RBFOX1: variants seen among roughly 807,000 people sequenced by gnomAD.
The protein encoded by RBFOX1 is RNA binding protein fox-1 homolog 1.
Under a neutral mutation model 57.7 loss-of-function variants are expected in RBFOX1, and 8 were observed. The ratio of observed to expected loss-of-function variants is 0.14; its 90% CI spans 0.08 to 0.25. RBFOX1 has a LOEUF of 0.25. RBFOX1 is among the 10% of genes least tolerant of loss of function. RBFOX1 has a pLI of 1.00. For synonymous variants in RBFOX1, 326 were observed against 222.4 expected (o/e 1.47, Z -4.15); for missense variants, 611 against 548.5 (o/e 1.11, Z -1.14).
At position 6,863,989 on chromosome 16, in the gene RBFOX1, CTT is replaced by C. The variant is rs58541296; in HGVS notation, c.-15-188054_-15-188053del. 9.0e-4 allele frequency among the ~76,000 whole-genome samples: 113 copies of C among 125,310 alleles called. No individual in the cohort carries two copies. In the East Asian group the frequency reaches 0.017, roughly 18 times the overall value. The allele number at this position is 125,310 out of a possible 152,430, so 82.2% of individuals were successfully genotyped here. On this transcript the variant is annotated intron_variant, in intron 3 of 15. Coordinates refer to ENST00000550418, the MANE Select transcript of RBFOX1 (RefSeq NM_018723.4). ...CACAACTTCTTCTGTCTTTATGTTCCTTTTTTTTTTTTTTTGTTGAGATTATG... is the reference window on the plus strand; with the variant it reads ...CACAACTTCTTCTGTCTTTATGTTCCTTTTTTTTTTTTTGTTGAGATTATG...
intron 3 of RBFOX1, among the ~76,000 whole-genome samples, chr16:6,875,322 A>G (rs916842902): frequency 2.0e-5 from 3 of 152,142 alleles, no homozygotes; most frequent in South Asian, 2.1e-4. Context: ...TTAGAGAAAC[A>G]TTTATATTTT....
chr16:5,448,956 C>G (rs988475222), intron 1 of RBFOX1, among the ~76,000 whole-genome samples: 1 of 152,104 alleles, frequency 6.6e-6, no homozygotes, highest in Non-Finnish European at 1.5e-5. Flanking sequence ...GACCCCCTGG[C>G]TGCCATAACC....
chr16:6,595,437 C>T lies in RBFOX1; in HGVS notation c.-63-59166C>T, dbSNP rs142017847. On this transcript the variant is annotated intron_variant, in intron 2 of 15. Transcript: ENST00000550418. Reference sequence around the variant, plus strand: ...AATATTACGTTATATAAATATACGACGTTGTGTTTGTCCATTCATTGGTTG... The same window carrying T: ...AATATTACGTTATATAAATATACGATGTTGTGTTTGTCCATTCATTGGTTG... 2.2e-3 allele frequency among the ~76,000 whole-genome samples: 328 copies of T among 152,226 alleles called. 3 individuals carry two copies. Among genetic ancestry groups the T allele is most frequent in the African/African-American group, 6.6e-3 (275 of 41,530 alleles).
rs150191707 is a variant in RBFOX1, at chr16:7,097,584, C to G, written c.27+45486C>G. Among the ~76,000 whole-genome samples the G allele has an allele frequency of 2.8e-3, 434 of 152,284 alleles. 3 individuals are homozygous for G. Among genetic ancestry groups the G allele is most frequent in the Non-Finnish European group, 3.5e-3 (237 of 68,024 alleles). On this transcript the variant is annotated intron_variant, in intron 4 of 15. Transcript: ENST00000550418. ...CACCTCTCCATCTGCCTCAAATAAT[C>G]AAATTCCATCCAATTAGATGCTGTT...
At chr16:7,312,336 C>T (rs1408186489) in intron 4 of RBFOX1, among the ~76,000 whole-genome samples, 2 of 152,172 alleles carry the variant, frequency 1.3e-5, no homozygotes, top group African/African-American at 4.8e-5. Flanking sequence ...GCCGAGATCG[C>T]GGCGTTGCAC....
At chr16:6,030,024 C>A (rs1045131199) in intron 1 of RBFOX1, among the ~76,000 whole-genome samples, 1 of 152,168 alleles carries the variant, frequency 6.6e-6, no homozygotes, top group Non-Finnish European at 1.5e-5. Flanking sequence ...AGTGATCCCA[C>A]CTCAGCCTCT....
chr16:6,015,044 A>C (rs1186010661), upstream of RBFOX1, among the ~76,000 whole-genome samples: 1 of 151,932 alleles, frequency 6.6e-6, no homozygotes, highest in Non-Finnish European at 1.5e-5. Flanking sequence ...TCTTGTAGAG[A>C]TGGGGTTTCA....
chr16:5,383,338 G>A (rs2066175860), intron 1 of RBFOX1, among the ~76,000 whole-genome samples: 1 of 152,170 alleles, frequency 6.6e-6, no homozygotes. Context: ...AAAGATGAGA[G>A]CCGCTCAGAC....
chr16:6,107,970 G>C (rs2096402363), intron 1 of RBFOX1, among the ~76,000 whole-genome samples: 2 of 151,786 alleles, frequency 1.3e-5, no homozygotes, highest in East Asian at 3.9e-4. Context: ...ATTAAGATTA[G>C]TCTTGAAAAA....
chr16:7,227,198 C>T (rs2093179705), intron 4 of RBFOX1, among the ~76,000 whole-genome samples: 1 of 151,792 alleles, frequency 6.6e-6, no homozygotes, highest in Non-Finnish European at 1.5e-5. Flanking sequence ...TGTGTCATTC[C>T]ATTCTTCTTT....
chr16:6,117,187 G>C (rs2096505595), intron 1 of RBFOX1, among the ~76,000 whole-genome samples: 1 of 152,124 alleles, frequency 6.6e-6, no homozygotes. Flanking sequence ...TGTGAAAAGG[G>C]TGAGAGTTCA....
chr16:7,702,033 ACT>A, intron 14 of RBFOX1, among the ~76,000 whole-genome samples: 1 of 152,318 alleles, frequency 6.6e-6, no homozygotes, highest in Middle Eastern at 3.4e-3. Flanking sequence ...TGCATAGTGC[ACT>A]GAGATAACTT....
chr16:7,568,881 T>TAAAAAA (rs1376970317), intron 5 of RBFOX1, among the ~76,000 whole-genome samples: 1 of 30,642 alleles, frequency 3.3e-5, no homozygotes. Flanking sequence ...AGACTCTGTC[T>TAAAAAA]CAAAAAAAAA....
At chr16:6,212,013 C>A (rs185214403) in intron 1 of RBFOX1, among the ~76,000 whole-genome samples, 1 of 151,942 alleles carries the variant, frequency 6.6e-6, no homozygotes, top group African/African-American at 2.4e-5. Flanking sequence ...CCATGCCTGG[C>A]TAAGTTTTTG....
intron 7 of RBFOX1, among the ~76,000 whole-genome samples, chr16:7,589,436 G>T (rs977871553): frequency 3.3e-5 from 5 of 151,966 alleles, no homozygotes; most frequent in Non-Finnish European, 7.4e-5. Context: ...GTCTCTGGGG[G>T]CTTCAGGAAA....
chr16:5,270,460 C>T, intron 1 of RBFOX1: 7 of 768,746 alleles, frequency 9.1e-6, no homozygotes, highest in Non-Finnish European at 1.4e-5. Context: ...GCAGAAACTG[C>T]CTGACTAACT....
intron 4 of RBFOX1, among the ~76,000 whole-genome samples, chr16:7,328,339 G>A (rs981354112): frequency 1.3e-5 from 2 of 151,982 alleles, no homozygotes; most frequent in South Asian, 2.1e-4. Context: ...AATTAGGCAG[G>A]TGTGGTGGCG....
intron 2 of RBFOX1, among the ~76,000 whole-genome samples, chr16:6,410,888 C>T (rs1371264895): frequency 1.3e-5 from 2 of 152,154 alleles, no homozygotes; most frequent in Admixed American, 6.5e-5. Context: ...GGTTTCTCAG[C>T]GCACAGTTGG....
intron 3 of RBFOX1, among the ~76,000 whole-genome samples, chr16:6,832,089 G>C (rs1280188176): frequency 6.6e-6 from 1 of 152,178 alleles, no homozygotes; most frequent in Non-Finnish European, 1.5e-5. Flanking sequence ...AGACAAAACT[G>C]AATGCTATTT....
Sources: gnomAD v4.1 joint callset for allele counts (sites outside exome capture counted in the v4.1 genomes callset) on GRCh38, gnomAD v4.1.1 for gene constraint, MANE v1.5 for transcripts, NCBI Gene and HGNC (gene_info 2026-07-23, HGNC 2026-07-21) for gene names.